Variants in SGMS1 observed in about 807,000 individuals in gnomAD.
SGMS1 encodes the protein sphingomyelin synthase 1.
A neutral mutation model predicts 46.2 loss-of-function variants in SGMS1; 13 were observed. The ratio of observed to expected loss-of-function variants is 0.28; its 90% CI spans 0.18 to 0.45. The LOEUF is 0.45. Ranked by LOEUF, SGMS1 falls within the 20% of genes least tolerant of loss-of-function variation. The probability of loss-of-function intolerance (pLI) is 1.00; values close to 1 mark genes in which losing one functional copy is unlikely to be tolerated. For synonymous variants in SGMS1, 203 were observed against 187.8 expected (o/e 1.08, Z -0.66); for missense variants, 324 against 519.9 (o/e 0.62, Z 3.66).
intron 3 of SGMS1, among the ~76,000 whole-genome samples, chr10:50,478,621 G>A (rs2983368): frequency 0.17 from 25,832 of 151,954 alleles, 2,867 homozygotes; most frequent in Non-Finnish European, 0.25. Flanking sequence ...AATCAACAGA[G>A]GAGTTTTTTA....
intron 3 of SGMS1, among the ~76,000 whole-genome samples, chr10:50,509,555 A>C (rs1272586581): frequency 6.6e-6 from 1 of 152,242 alleles, no homozygotes; most frequent in Non-Finnish European, 1.5e-5. Context: ...TGGCAAAGGA[A>C]TCAGGAGAGG....
At chr10:50,525,123 C>G (rs576310029) in intron 2 of SGMS1, among the ~76,000 whole-genome samples, 1 of 152,256 alleles carries the variant, frequency 6.6e-6, no homozygotes, top group East Asian at 1.9e-4. Context: ...GAAGAGCTCT[C>G]AGAGGAAAGA....
intron 1 of SGMS1, among the ~76,000 whole-genome samples, chr10:50,591,507 A>G (rs1425319931): frequency 6.6e-6 from 1 of 152,136 alleles, no homozygotes; most frequent in African/African-American, 2.4e-5. Flanking sequence ...ATTATTACCA[A>G]TTACTATAAT....
intron 2 of SGMS1, among the ~76,000 whole-genome samples, chr10:50,572,907 C>T (rs1197898548): frequency 2.0e-5 from 3 of 152,164 alleles, no homozygotes; most frequent in Non-Finnish European, 4.4e-5. Context: ...ACTAGCTTTC[C>T]TCTCAGAACT....
chr10:50,581,384 T>C (rs1456980062), intron 2 of SGMS1, among the ~76,000 whole-genome samples: 1 of 152,122 alleles, frequency 6.6e-6, no homozygotes, highest in African/African-American at 2.4e-5. Flanking sequence ...TAGAGAATAA[T>C]GATCACAGAG....
At chr10:50,591,839 T>C (rs1444867191) in intron 1 of SGMS1, among the ~76,000 whole-genome samples, 1 of 152,228 alleles carries the variant, frequency 6.6e-6, no homozygotes, top group African/African-American at 2.4e-5. Flanking sequence ...GTGACATCTC[T>C]GCATGATGGC....
At chr10:50,399,421 A>G (rs10740684) in intron 6 of SGMS1, among the ~76,000 whole-genome samples, 43,575 of 152,096 alleles carry the variant, frequency 0.29, 6,788 homozygotes, top group Middle Eastern at 0.39. Context: ...ATGTCCATCA[A>G]TGAAAGTGGT....
At chr10:50,317,730 CACTA>C (rs113313892) in intron 8 of SGMS1, among the ~76,000 whole-genome samples, 114 of 152,054 alleles carry the variant, frequency 7.5e-4, no homozygotes, top group Admixed American at 4.1e-3. Context: ...ATTCACTATT[CACTA>C]ACTATTTTTC....
In SGMS1 at chr10:50,390,051, T is replaced by C. The variant is rs866357235; in HGVS notation, c.-232+43425A>G. Among the ~76,000 whole-genome samples the C allele has an allele frequency of 3.9e-5, 6 of 152,360 alleles. No individual in the cohort carries two copies. The South Asian group carries it at 6.2e-4, about 16-fold the overall frequency. ...ACTCCTGATTTTAGCTGGTGTTCCT[T>C]TACTTTTTCCAAAGCAACTTCATAT... On this transcript the variant is annotated intron_variant, in intron 6 of 10. Transcript: ENST00000361781.
chr10:50,570,716 C>T (rs895208736), intron 2 of SGMS1, among the ~76,000 whole-genome samples: 1 of 152,186 alleles, frequency 6.6e-6, no homozygotes, highest in African/African-American at 2.4e-5. Flanking sequence ...AGGAGAATTG[C>T]TTAAGCCCAG....
At chr10:50,314,211 C>G (rs1236924484) in intron 8 of SGMS1, among the ~76,000 whole-genome samples, 2 of 151,670 alleles carry the variant, frequency 1.3e-5, no homozygotes, top group African/African-American at 4.8e-5. Context: ...GCTCATTTTC[C>G]CATGTTGAAT....
At chr10:50,527,554 C>T (rs1453996759) in intron 2 of SGMS1, among the ~76,000 whole-genome samples, 1 of 152,116 alleles carries the variant, frequency 6.6e-6, no homozygotes, top group Non-Finnish European at 1.5e-5. Context: ...GGCACCTAGC[C>T]ACTTGATACG....
At chr10:50,595,858 G>A (rs1404238587) in intron 1 of SGMS1, among the ~76,000 whole-genome samples, 2 of 152,210 alleles carry the variant, frequency 1.3e-5, no homozygotes, top group Non-Finnish European at 2.9e-5. Flanking sequence ...GATAAGAGCA[G>A]AGGACTCAGT....
chr10:50,488,023 T>TGA (rs1327029568), intron 3 of SGMS1, among the ~76,000 whole-genome samples: 133 of 150,096 alleles, frequency 8.9e-4, no homozygotes, highest in Middle Eastern at 3.4e-3. Flanking sequence ...ATTTATTTAT[T>TGA]TATTTATTGA....
intron 3 of SGMS1, among the ~76,000 whole-genome samples, chr10:50,473,375 A>T (rs947399122): frequency 6.6e-6 from 1 of 152,230 alleles, no homozygotes; most frequent in Non-Finnish European, 1.5e-5. Context: ...ATAAATATCT[A>T]TTGAAAATTA....
At chr10:50,559,614 C>G (rs1307357962) in intron 2 of SGMS1, among the ~76,000 whole-genome samples, 1 of 152,200 alleles carries the variant, frequency 6.6e-6, no homozygotes, top group Non-Finnish European at 1.5e-5. Context: ...GTTACCCTAT[C>G]ATCAGGGAGG....
intron 2 of SGMS1, among the ~76,000 whole-genome samples, chr10:50,552,517 A>G (rs1838157024): frequency 1.3e-5 from 2 of 152,234 alleles, no homozygotes; most frequent in African/African-American, 2.4e-5. Flanking sequence ...AGAGGGATAT[A>G]TTACACAATG....
At chr10:50,541,075 C>G (rs545067181) in intron 2 of SGMS1, among the ~76,000 whole-genome samples, 4 of 152,302 alleles carry the variant, frequency 2.6e-5, no homozygotes, top group Middle Eastern at 3.4e-3. Flanking sequence ...ATTAGAAACT[C>G]CACAAGGCAA....
rs1431924973 is a variant in SGMS1, at chr10:50,322,521, C to T, written c.741+4684G>A. On this transcript the variant is annotated intron_variant, in intron 8 of 10. Transcript: ENST00000361781. The stretch of plus-strand genomic sequence containing the variant: ...GCCCCTTTTCTAAAGAAACCAGTAT[C>T]ATAAACAGTTGTAAAAAGATGAGAA... Among the ~76,000 whole-genome samples, 4 of 152,136 alleles carry T rather than the reference C, an allele frequency of 2.6e-5. No homozygotes were observed. In the East Asian group the frequency reaches 7.7e-4, roughly 29 times the overall value.
Sources: allele counts gnomAD v4.1 joint callset (sites outside exome capture counted in the v4.1 genomes callset), GRCh38; gene constraint gnomAD v4.1.1; transcripts MANE v1.5; gene names NCBI Gene and HGNC (gene_info 2026-07-23, HGNC 2026-07-21).